DCTN1: variants seen among roughly 807,000 people sequenced by gnomAD.
The protein encoded by DCTN1 is 150 kDa dynein-associated polypeptide.
A neutral mutation model predicts 161.2 loss-of-function variants in DCTN1; 61 were observed. That is an observed-to-expected ratio of 0.38 (90% CI 0.31 to 0.47). The LOEUF (loss-of-function observed/expected upper bound fraction) is 0.47, where lower values mean the gene tolerates loss of function less well. Ranked by LOEUF, DCTN1 falls within the 20% of genes least tolerant of loss-of-function variation. The pLI, the probability that DCTN1 is intolerant of heterozygous loss-of-function variation, is 0.99. For missense variants in DCTN1, 1,404 were observed against 1,623.7 expected (o/e 0.86, Z 2.33); for synonymous variants, 653 against 632.4 (o/e 1.03, Z -0.49).
chr2:74,374,864 C>G (rs1025017909), intron 5 of DCTN1: 6 of 571,038 alleles, frequency 1.1e-5, no homozygotes, highest in Non-Finnish European at 1.4e-5. Flanking sequence ...CTCCCTTGCC[C>G]ACCCCCAAGA....
In DCTN1 at chr2:74,372,914, G is replaced by A; in HGVS notation, c.453+14C>T. On this transcript the variant is annotated intron_variant, in intron 7 of 31. Transcript: ENST00000628224. ...ACACTCAGCAGTGGCTCACACAGGGGCCTGTTTTCTCACCTTGGGTCGCCG... is the reference window on the plus strand; with the variant it reads ...ACACTCAGCAGTGGCTCACACAGGGACCTGTTTTCTCACCTTGGGTCGCCG... 6.2e-7 allele frequency: 1 copy of A among 1,613,848 alleles called. No individual in the cohort carries two copies. The highest frequency in any genetic ancestry group is 8.5e-7 in the Non-Finnish European group (1 of 1,179,730).
intron 7 of DCTN1, 57 bp from the exon 8 acceptor site, chr2:74,371,785 A>G: frequency 2.9e-6 from 4 of 1,402,882 alleles, no homozygotes; most frequent in East Asian, 2.3e-5. Context: ...GGGTAGTAAG[A>G]GGAACAGAAA....
rs1399430696 is a variant in DCTN1 at position 74,361,607 on chromosome 2, G to T, written c.3729C>A (p.Val1243=). The T allele has an allele frequency of 6.2e-7, 1 of 1,614,158 alleles. No individual in the cohort carries two copies. The change falls in exon 32 of 32, where the codon GTC becomes GTA. Residue 1243 remains valine, a synonymous_variant. Coordinates refer to ENST00000628224, the MANE Select transcript of DCTN1 (RefSeq NM_004082.5). ...ATGAGAAGGTCACTTTGCCCATGTA[G>T]ACTGTGTCATCCTGCTGCTCCTCCT... ...RAKEEQQDDT[V]YMGKVTFSCA... is the part of the protein sequence containing the mutation.
intron 23 of DCTN1, 35 bp from the exon 24 acceptor site, chr2:74,366,053 G>T: frequency 6.2e-7 from 1 of 1,614,024 alleles, no homozygotes; most frequent in Non-Finnish European, 8.5e-7. Context: ...AGAAAGTGAG[G>T]GTGGAGAGAA....
chr2:74,373,181 A>T (rs1030736247), intron 6 of DCTN1: 2 of 614,794 alleles, frequency 3.3e-6, no homozygotes. Flanking sequence ...CTTTTGTCCA[A>T]TCCTTGCAGG....
chr2:74,390,644 G>T (rs563991108), intron 1 of DCTN1: 10 of 467,412 alleles, frequency 2.1e-5, no homozygotes, highest in Non-Finnish European at 1.3e-5. Flanking sequence ...TGGAAAACAT[G>T]GTCTCTAACT....
intron 1 of DCTN1, 33 bp downstream of exon 1, chr2:74,379,972 C>T (rs1363719851): frequency 6.2e-7 from 1 of 1,612,256 alleles, no homozygotes; most frequent in African/African-American, 1.3e-5. Flanking sequence ...CCCCAGCAGC[C>T]CTCCAGGGCC....
chr2:74,367,902 G>A (rs764469480), intron 17 of DCTN1, 38 bp from the exon 18 acceptor site: 2 of 1,614,198 alleles, frequency 1.2e-6, no homozygotes, highest in East Asian at 2.2e-5. Flanking sequence ...GCTAGAGTCT[G>A]CCAGGCAATC....
chr2:74,377,391 C>G, intron 4 of DCTN1, 41 bp downstream of exon 4: 1 of 1,574,424 alleles, frequency 6.4e-7, no homozygotes, highest in Non-Finnish European at 8.7e-7. Flanking sequence ...TCTCCTTCCC[C>G]TCCCTTTATT....
In DCTN1 at chr2:74,370,577, T is replaced by C. The variant is rs773110278; in HGVS notation, c.1049-33A>G. ...AGATCATTAACACTTTCAGGCATGG[T>C]TCTCACCTGACCGTTTGGCCCCCAG... On this transcript the variant is annotated intron_variant, in intron 10 of 31. Transcript: ENST00000628224. The surrounding 1 kb of genome is among the most constrained non-coding windows in gnomAD (Gnocchi z 4.4). The C allele has an allele frequency of 7.4e-6, 12 of 1,614,090 alleles. No individual in the cohort carries two copies. Among genetic ancestry groups the C allele is most frequent in the Non-Finnish European group, 9.3e-6 (11 of 1,180,034 alleles).
chr2:74,376,684 AGCT>A, intron 5 of DCTN1, 55 bp downstream of exon 5: 1 of 1,525,484 alleles, frequency 6.6e-7, no homozygotes, highest in African/African-American at 1.4e-5. Flanking sequence ...CATGCAGGAC[AGCT>A]GGGGAAGGGG....
intron 1 of DCTN1, chr2:74,386,884 T>C (rs1675756472): frequency 6.6e-6 from 1 of 152,180 alleles, no homozygotes. Flanking sequence ...TGTGTCTTCA[T>C]TGCACCCTGT....
chr2:74,362,259 T>TCAA, intron 30 of DCTN1, 118 bp from the exon 31 acceptor site: 1 of 862,490 alleles, frequency 1.2e-6, no homozygotes, highest in Non-Finnish European at 1.9e-6. Context: ...GTCCTCTATA[T>TCAA]CAACATACTT....
upstream of DCTN1, chr2:74,380,490 C>A (rs768610029): frequency 2.1e-6 from 1 of 474,940 alleles, no homozygotes; most frequent in African/African-American, 2.0e-5. Context: ...CTAGTCTGTA[C>A]CCACTCACCA....
chr2:74,368,806 C>A lies in DCTN1; in HGVS notation c.1776G>T (p.Met592Ile). The A allele has an allele frequency of 6.2e-7, 1 of 1,614,288 alleles. No individual in the cohort carries two copies. The highest frequency in any genetic ancestry group is 8.5e-7 in the Non-Finnish European group (1 of 1,180,056). ...CACCTGGCCGAAGGAAGCTGTCAGGCATGAAGGCTGTCAGCAGGGACATGT... is the reference window on the plus strand; with the variant it reads ...CACCTGGCCGAAGGAAGCTGTCAGGAATGAAGGCTGTCAGCAGGGACATGT... ...NRHMSLLTAF[M>I]PDSFLRPGGD... Residue 592 changes from methionine to isoleucine, a missense_variant, in exon 16 of 32, where the codon ATG becomes ATT. Met to Ile is a conservative substitution (Grantham distance 10). Around this residue, in one of 9 missense-constraint regions of DCTN1, gnomAD observed 278 missense variants for 363.8 expected, o/e 0.76. Coordinates refer to ENST00000628224, the MANE Select transcript of DCTN1 (RefSeq NM_004082.5).
At position 74,362,667 on chromosome 2, in the gene DCTN1, T is replaced by A. The variant is rs780488647; in HGVS notation, c.3592A>T (p.Thr1198Ser). 6.2e-7 allele frequency: 1 copy of A among 1,613,978 alleles called. No individual in the cohort carries two copies. Among genetic ancestry groups the A allele is most frequent in the Non-Finnish European group, 8.5e-7 (1 of 1,179,972 alleles). The change falls in exon 30 of 32, where the codon ACC becomes TCC. Residue 1198 changes from threonine (T) to serine (S), a missense_variant. By Grantham distance (58) the Thr-to-Ser change is moderately conservative. Around this residue, in one of 9 missense-constraint regions of DCTN1, gnomAD observed 311 missense variants for 298.9 expected, o/e 1.04. Coordinates refer to ENST00000628224, the MANE Select transcript of DCTN1 (RefSeq NM_004082.5). Reference protein sequence around the residue: ...QVAQLKSLSDTVEKLKDEVLK... With the variant: ...QVAQLKSLSDSVEKLKDEVLK... ...GAGCTGACCTTGAGCTTCTCGACGG[T>A]GTCACTCAGGGACTTAAGCTGAGCC...
At position 74,366,896 on chromosome 2, in the gene DCTN1, G is replaced by C. The variant is rs121909344; in HGVS notation, c.2353C>G (p.Arg785Gly). 1 of 1,614,076 alleles carries C rather than the reference G, an allele frequency of 6.2e-7. No individual in the cohort carries two copies. Among genetic ancestry groups the C allele is most frequent in the Non-Finnish European group, 8.5e-7 (1 of 1,180,052 alleles). Residue 785 changes from arginine (R) to glycine (G), a missense_variant, in exon 21 of 32, where the codon CGG becomes GGG. This residue lies in a region of DCTN1 where 475 missense variants were observed against 489.8 expected (regional missense o/e 0.97). Transcript: ENST00000628224. ...QEATDIALLL[R>G]DLETSCSDIR... Reference sequence around the variant, plus strand: ...TCACTGCATGAAGTTTCCAGATCCCGGAGCAGGAGGGCAATATCTGTAGCC... The same window carrying C: ...TCACTGCATGAAGTTTCCAGATCCCCGAGCAGGAGGGCAATATCTGTAGCC...
chr2:74,362,257 T>C (rs1674062338), intron 30 of DCTN1, 116 bp from the exon 31 acceptor site: 2 of 872,570 alleles, frequency 2.3e-6, no homozygotes, highest in African/African-American at 1.7e-5. Context: ...TAGTCCTCTA[T>C]ATCAACATAC....
intron 5 of DCTN1, chr2:74,374,876 C>T (rs1434260943): frequency 6.2e-6 from 3 of 481,654 alleles, no homozygotes; most frequent in South Asian, 7.3e-5. Flanking sequence ...CCCCCAAGAG[C>T]GTGCTCCAAA....
Sources: allele counts gnomAD v4.1 joint callset, GRCh38; gene constraint gnomAD v4.1.1; regional missense constraint gnomAD v4.1.1; non-coding constraint Gnocchi (gnomAD v3.1); transcripts MANE v1.5; gene names NCBI Gene and HGNC (gene_info 2026-07-23, HGNC 2026-07-21).